The following FBXL5 variants were observed in gnomAD, a reference collection of about 807,000 sequenced individuals.
FBXL5 encodes the protein F-box/LRR-repeat protein 5.
In FBXL5, 26 loss-of-function variants were observed where a neutral mutation model predicts 78.3. That is an observed-to-expected ratio of 0.33 (90% CI 0.24 to 0.46). The LOEUF is 0.46. Among genes scored for constraint, FBXL5 ranks in the 20% least tolerant of loss-of-function variants. The pLI, the probability that FBXL5 is intolerant of heterozygous loss-of-function variation, is 1.00. For missense variants in FBXL5, 710 were observed against 829.2 expected (o/e 0.86, Z 1.77); for synonymous variants, 295 against 282.5 (o/e 1.04, Z -0.45).
At chr4:15,672,761 TTTTC>T (rs1209484811) in intron 1 of FBXL5, among the ~76,000 whole-genome samples, 1 of 152,172 alleles carries the variant, frequency 6.6e-6, no homozygotes, top group African/African-American at 2.4e-5. Flanking sequence ...TTTAAAATGT[TTTTC>T]TTCAACAGTA....
upstream of FBXL5, among the ~76,000 whole-genome samples, chr4:15,657,078 CCTT>C (rs370104115): frequency 2.6e-5 from 4 of 152,306 alleles, no homozygotes; most frequent in African/African-American, 9.6e-5. Context: ...CTCTCTTCCT[CCTT>C]CTCCCTTTCA....
intron 1 of FBXL5, among the ~76,000 whole-genome samples, chr4:15,670,611 G>C (rs1171856184): frequency 6.6e-6 from 1 of 152,108 alleles, no homozygotes; most frequent in South Asian, 2.1e-4. Flanking sequence ...ACTGAAGGCA[G>C]TTTTATGTCC....
chr4:15,620,743 A>G (rs888402797), intron 9 of FBXL5, among the ~76,000 whole-genome samples: 1 of 152,366 alleles, frequency 6.6e-6, no homozygotes, highest in East Asian at 1.9e-4. Flanking sequence ...CCCAAGCTGG[A>G]AGGTCGGGGG....
At chr4:15,613,523 C>T (rs956842505) in intron 9 of FBXL5, among the ~76,000 whole-genome samples, 5 of 151,958 alleles carry the variant, frequency 3.3e-5, no homozygotes, top group Non-Finnish European at 5.9e-5. Context: ...AATATGTTTT[C>T]CAAACTTTTA....
chr4:15,632,846 T>C (rs1038308362), intron 5 of FBXL5, among the ~76,000 whole-genome samples: 2 of 152,192 alleles, frequency 1.3e-5, no homozygotes, highest in African/African-American at 4.8e-5. Flanking sequence ...TCATGTCATC[T>C]GCAATCAGAG....
intron 5 of FBXL5, among the ~76,000 whole-genome samples, chr4:15,632,430 G>GT (rs1447285094): frequency 6.6e-6 from 1 of 152,128 alleles, no homozygotes; most frequent in Non-Finnish European, 1.5e-5. Context: ...CTTTAACGTA[G>GT]TTTTTTCCAA....
At chr4:15,645,975 G>C (rs935136165) in intron 1 of FBXL5, among the ~76,000 whole-genome samples, 1 of 152,122 alleles carries the variant, frequency 6.6e-6, no homozygotes, top group African/African-American at 2.4e-5. Context: ...TGCCTTTATG[G>C]AGTTTCCATT....
At chr4:15,644,113 A>T (rs911570421) in intron 2 of FBXL5, among the ~76,000 whole-genome samples, 3 of 152,182 alleles carry the variant, frequency 2.0e-5, no homozygotes, top group Admixed American at 6.5e-5. Context: ...CTGCATCTAC[A>T]TCTAATCAAA....
At chr4:15,655,606 A>T (rs563683373), upstream of FBXL5, among the ~76,000 whole-genome samples, 1 of 152,306 alleles carries the variant, frequency 6.6e-6, no homozygotes, top group African/African-American at 2.4e-5. Context: ...AAAGCACAGT[A>T]GCTGAGGGTA....
intron 10 of FBXL5, among the ~76,000 whole-genome samples, chr4:15,609,126 G>A (rs1207287766): frequency 1.3e-5 from 2 of 152,144 alleles, no homozygotes; most frequent in Non-Finnish European, 2.9e-5. Flanking sequence ...TGCTTTAACA[G>A]ACGAAGATAA....
chr4:15,664,100 GCTT>G (rs1423892046), upstream of FBXL5, among the ~76,000 whole-genome samples: 1 of 152,174 alleles, frequency 6.6e-6, no homozygotes, highest in Non-Finnish European at 1.5e-5. Flanking sequence ...TGGCTTCAGA[GCTT>G]CTATCTTTTT....
intron 1 of FBXL5, among the ~76,000 whole-genome samples, chr4:15,647,603 A>G (rs955489485): frequency 6.6e-6 from 1 of 152,222 alleles, no homozygotes; most frequent in Non-Finnish European, 1.5e-5. Flanking sequence ...AGATCTAATA[A>G]CACATTAAGG....
intron 6 of FBXL5, 116 bp from the exon 7 acceptor site, chr4:15,628,149 T>C: frequency 1.0e-6 from 1 of 999,644 alleles, no homozygotes. Context: ...TACTTTCTTA[T>C]GTAAACCATC....
Position 15,635,761 on chromosome 4 carries a change from GA to G in FBXL5, c.766+732del, listed in dbSNP as rs71649918. 2.6e-3 allele frequency among the ~76,000 whole-genome samples: 313 copies of G among 120,660 alleles called. 1 individual carries two copies. Among genetic ancestry groups the G allele is most frequent in the African/African-American group, 6.2e-3 (190 of 30,592 alleles). 79.2% of individuals were successfully genotyped at this position (120,660 alleles called of 152,430 possible). A position where few individuals can be genotyped will look rare whatever the true frequency, so the allele number is the denominator to read the frequency against. On this transcript the variant is annotated intron_variant, in intron 5 of 10. Coordinates refer to ENST00000341285, the MANE Select transcript of FBXL5 (RefSeq NM_012161.4). ...TGAGCGAAACTCTGCCTCAAAAAAA[GA>G]AAAAAAAAAAAAAAAAACTCACCTA...
At chr4:15,622,082 G>A (rs1231028849) in intron 9 of FBXL5, among the ~76,000 whole-genome samples, 8 of 152,062 alleles carry the variant, frequency 5.3e-5, no homozygotes, top group Non-Finnish European at 8.8e-5. Flanking sequence ...ATCCTACTGC[G>A]TTGGCCTCCC....
At chr4:15,653,303 G>C (rs752064610) in intron 1 of FBXL5, among the ~76,000 whole-genome samples, 2 of 152,066 alleles carry the variant, frequency 1.3e-5, no homozygotes, top group Non-Finnish European at 2.9e-5. Context: ...AAAGACTCTT[G>C]GCTCAGATAT....
intron 1 of FBXL5, among the ~76,000 whole-genome samples, chr4:15,668,251 G>T (rs964806258): frequency 6.7e-6 from 1 of 150,372 alleles, no homozygotes; most frequent in Non-Finnish European, 1.5e-5. Flanking sequence ...ATCTAGTATG[G>T]TATTTTCAAA....
intron 5 of FBXL5, among the ~76,000 whole-genome samples, chr4:15,635,563 G>A (rs1456735458): frequency 2.0e-5 from 3 of 151,910 alleles, no homozygotes; most frequent in African/African-American, 4.8e-5. Context: ...AGACCAGCCT[G>A]ATCAACATGA....
At chr4:15,642,187 C>G (rs1440896040) in intron 2 of FBXL5, among the ~76,000 whole-genome samples, 1 of 151,900 alleles carries the variant, frequency 6.6e-6, no homozygotes, top group Non-Finnish European at 1.5e-5. Context: ...ATCACATTTC[C>G]CCACTTCTAT....
Sources: gnomAD v4.1 joint callset for allele counts (sites outside exome capture counted in the v4.1 genomes callset) on GRCh38, gnomAD v4.1.1 for gene constraint, MANE v1.5 for transcripts, NCBI Gene and HGNC (gene_info 2026-07-23, HGNC 2026-07-21) for gene names.